Variants in CCDC85C observed in about 807,000 individuals in gnomAD.
CCDC85C encodes the protein coiled-coil domain containing 85C.
CCDC85C carries 18 observed loss-of-function variants against 38.3 expected under a neutral mutation model. The observed-to-expected ratio is 0.47, with a 90% CI of 0.33 to 0.70. The LOEUF is 0.70. Ranked by LOEUF, CCDC85C falls within the 30% of genes least tolerant of loss-of-function variation. The pLI is 0.03. For missense variants in CCDC85C, 566 were observed against 621.2 expected (o/e 0.91, Z 0.94); for synonymous variants, 264 against 293.8 (o/e 0.90, Z 1.04).
chr14:99,595,590 T>A (rs2055134579), intron 1 of CCDC85C, among the ~76,000 whole-genome samples: 2 of 152,188 alleles, frequency 1.3e-5, no homozygotes, highest in African/African-American at 4.8e-5. Context: ...CAGTTCCCAA[T>A]TCGGCCACCC....
At position 99,546,313 on chromosome 14, in the gene CCDC85C, G is replaced by A. The variant is rs144595633; in HGVS notation, c.794-10225C>T. Among the ~76,000 whole-genome samples the A allele has an allele frequency of 4.3e-4, 65 of 152,162 alleles. No individual in the cohort carries two copies. The Middle Eastern group carries it at 0.01, about 24-fold the overall frequency. Reference sequence around the variant, plus strand: ...GTTAGTAAGAACAGTGGGGAGGCGTGGGAGGGGTGGGACATCTCAGCCACA... The same window carrying A: ...GTTAGTAAGAACAGTGGGGAGGCGTAGGAGGGGTGGGACATCTCAGCCACA... On this transcript the variant is annotated intron_variant, in intron 1 of 5. Transcript: ENST00000380243.
intron 1 of CCDC85C, among the ~76,000 whole-genome samples, chr14:99,539,874 C>T (rs942098816): frequency 2.6e-5 from 4 of 152,172 alleles, no homozygotes; most frequent in African/African-American, 4.8e-5. Context: ...TGGCCGGGCG[C>T]GGTGGCTCAT....
chr14:99,554,428 C>G (rs1897973044), intron 1 of CCDC85C, among the ~76,000 whole-genome samples: 1 of 152,362 alleles, frequency 6.6e-6, no homozygotes, highest in Middle Eastern at 3.4e-3. Context: ...GTGCATGTCC[C>G]TCTGCAGGCT....
At chr14:99,542,273 G>A (rs1422467500) in intron 1 of CCDC85C, among the ~76,000 whole-genome samples, 2 of 152,202 alleles carry the variant, frequency 1.3e-5, no homozygotes. Flanking sequence ...CAGAAACAAG[G>A]TGCAAAGGTG....
intron 2 of CCDC85C, among the ~76,000 whole-genome samples, chr14:99,524,585 A>G (rs767246359): frequency 3.9e-5 from 6 of 152,230 alleles, no homozygotes; most frequent in South Asian, 2.1e-4. Flanking sequence ...AAAGCCAGGC[A>G]GGAAAAACAC....
intron 2 of CCDC85C, chr14:99,522,872 TGCTTAAGA>T (rs1291728606): frequency 6.6e-6 from 1 of 152,226 alleles, no homozygotes; most frequent in Non-Finnish European, 1.5e-5. Flanking sequence ...TTAGACCCTT[TGCTTAAGA>T]GCAAAGCAAA....
At chr14:99,553,588 C>A (rs570358965) in intron 1 of CCDC85C, among the ~76,000 whole-genome samples, 1 of 152,326 alleles carries the variant, frequency 6.6e-6, no homozygotes, top group Non-Finnish European at 1.5e-5. Flanking sequence ...TGGTCTCGAA[C>A]TCCTGACCTC....
rs2055233787 is a variant in CCDC85C at position 99,603,557 on chromosome 14, C to G, written c.403G>C (p.Glu135Gln). The change falls in exon 1 of 6, where the codon GAG (glutamate) becomes CAG (glutamine). Residue 135 changes from glutamate to glutamine, a missense_variant. Physicochemically the swap from Glu to Gln is conservative, Grantham distance 29. Coordinates refer to ENST00000380243, the MANE Select transcript of CCDC85C (RefSeq NM_001144995.2). This position sits in a 1 kb window ranked among gnomAD's most constrained non-coding sequence, Gnocchi z 7.5. ...TCCAGGTTCTCGCGCAGCAGGGCCT[C>G]CTGGCGCGCCTCGAGCTCGCGCAGC... ...QKLRELEARQ[E>Q]ALLRENLELK... is the part of the protein sequence containing the mutation. The G allele has an allele frequency of 2.1e-6, 3 of 1,395,432 alleles. No homozygotes were observed. The African/African-American group carries it at 4.6e-5, about 21-fold the overall frequency. 86.4% of individuals were successfully genotyped at this position (1,395,432 alleles called of 1,614,324 possible). A position where few individuals can be genotyped will look rare whatever the true frequency, so the allele number is the denominator to read the frequency against.
intron 2 of CCDC85C, among the ~76,000 whole-genome samples, chr14:99,526,171 G>A (rs951612515): frequency 2.0e-5 from 3 of 152,228 alleles, no homozygotes; most frequent in African/African-American, 7.2e-5. Context: ...CTTCTGGCCT[G>A]TGGGGGCTCC....
chr14:99,582,783 C>T (rs1268196990), intron 1 of CCDC85C, among the ~76,000 whole-genome samples: 7 of 152,056 alleles, frequency 4.6e-5, no homozygotes, highest in Non-Finnish European at 7.4e-5. Context: ...CTCTGCACTC[C>T]AGCCTGGGTG....
At chr14:99,531,941 C>T (rs1274871610) in intron 2 of CCDC85C, among the ~76,000 whole-genome samples, 3 of 152,232 alleles carry the variant, frequency 2.0e-5, no homozygotes, top group Non-Finnish European at 4.4e-5. Flanking sequence ...TGAAGCCCTC[C>T]CTTGGTTAAG....
chr14:99,536,591 G>A (rs1198643696), intron 1 of CCDC85C, among the ~76,000 whole-genome samples: 2 of 152,180 alleles, frequency 1.3e-5, no homozygotes, highest in East Asian at 3.9e-4. Flanking sequence ...TCAGCATCTG[G>A]GATCCTTCCA....
At chr14:99,574,183 C>T (rs1166888719) in intron 1 of CCDC85C, among the ~76,000 whole-genome samples, 1 of 152,174 alleles carries the variant, frequency 6.6e-6, no homozygotes, top group African/African-American at 2.4e-5. Context: ...CAAGCTGCCA[C>T]CCAGCTGTGC....
chr14:99,526,985 G>A (rs749383744), intron 2 of CCDC85C, among the ~76,000 whole-genome samples: 9 of 152,106 alleles, frequency 5.9e-5, no homozygotes, highest in Admixed American at 6.5e-5. Context: ...CATCCGTCTC[G>A]GAGATCCTCA....
rs1285487926 is a variant in CCDC85C at position 99,509,459 on chromosome 14, G to T, written c.*5787C>A. The T allele has an allele frequency of 6.6e-6, 1 of 151,538 alleles. No homozygotes were observed. Among genetic ancestry groups the T allele is most frequent in the Non-Finnish European group, 1.5e-5 (1 of 68,098 alleles). 9.4% of individuals were successfully genotyped at this position (151,538 alleles called of 1,614,324 possible). On this transcript the variant is annotated 3_prime_UTR_variant, in exon 6 of 6. Transcript: ENST00000380243. ...GGTTCTGAGCACGAGTATCTTGGGC[G>T]TGCTCAACACCTAGTGCTGCCTGTC...
intron 1 of CCDC85C, among the ~76,000 whole-genome samples, chr14:99,563,830 G>A (rs547942734): frequency 2.0e-5 from 3 of 152,326 alleles, no homozygotes; most frequent in East Asian, 1.9e-4. Flanking sequence ...TCCTGGGCAC[G>A]AGCCAGATGG....
rs2055241781 is a variant in CCDC85C, at chr14:99,603,912, G to C, written c.48C>G (p.Ser16Arg). 2 of 1,462,276 alleles carry C rather than the reference G, an allele frequency of 1.4e-6. No individual in the cohort carries two copies. The highest frequency in any genetic ancestry group is 3.0e-5 in the East Asian group (1 of 33,782). 90.6% of individuals were successfully genotyped at this position (1,462,276 alleles called of 1,614,324 possible). Residue 16 changes from serine to arginine, a missense_variant, in exon 1 of 6, where the codon AGC becomes AGG. Around this residue, in one of 3 missense-constraint regions of CCDC85C, gnomAD observed 269 missense variants for 308.2 expected, o/e 0.87. Coordinates refer to ENST00000380243, the MANE Select transcript of CCDC85C (RefSeq NM_001144995.2). This position sits in a 1 kb window ranked among gnomAD's most constrained non-coding sequence, Gnocchi z 7.5. Reference sequence around the variant, plus strand: ...GCAGCAGCTCCTCGTCCGGCACCTGGCTCAGCTCCTCCGACGCCGCCGCCG... The same window carrying C: ...GCAGCAGCTCCTCGTCCGGCACCTGCCTCAGCTCCTCCGACGCCGCCGCCG... ...ATAAAASEEL[S>R]QVPDEELLRW...
chr14:99,552,102 G>A (rs1897922728), intron 1 of CCDC85C, among the ~76,000 whole-genome samples: 1 of 152,214 alleles, frequency 6.6e-6, no homozygotes, highest in South Asian at 2.1e-4. Flanking sequence ...GGGGGTCCAG[G>A]TGGGAGGCTC....
At chr14:99,524,300 G>A (rs2139903114) in intron 2 of CCDC85C, among the ~76,000 whole-genome samples, 1 of 152,138 alleles carries the variant, frequency 6.6e-6, no homozygotes, top group South Asian at 2.1e-4. Context: ...CCTTCAGCCG[G>A]CCCTGCCCTG....
Sources: gnomAD v4.1 joint callset for allele counts (sites outside exome capture counted in the v4.1 genomes callset) on GRCh38, gnomAD v4.1.1 for gene constraint, gnomAD v4.1.1 regional missense constraint, Gnocchi (gnomAD v3.1) non-coding constraint, MANE v1.5 for transcripts, NCBI Gene and HGNC (gene_info 2026-07-23, HGNC 2026-07-21) for gene names.